Variants in KLHL14 observed in about 807,000 individuals in gnomAD.
The protein encoded by KLHL14 is kelch-like protein 14.
A neutral mutation model predicts 64.3 loss-of-function variants in KLHL14; 22 were observed. The observed-to-expected ratio is 0.34, with a 90% CI of 0.24 to 0.49. The LOEUF is 0.49. Among genes scored for constraint, KLHL14 ranks in the 20% least tolerant of loss-of-function variants. KLHL14 has a pLI of 0.99. For synonymous variants in KLHL14, 322 were observed against 333.4 expected, an observed-to-expected ratio of 0.97 and a Z score of 0.37; for missense variants, 661 against 789.0, an observed-to-expected ratio of 0.84 and a Z score of 1.94.
At chr18:32,713,397 C>T (rs2050030080) in intron 3 of KLHL14, among the ~76,000 whole-genome samples, 1 of 152,160 alleles carries the variant, frequency 6.6e-6, no homozygotes, top group Non-Finnish European at 1.5e-5. Flanking sequence ...GCCTTGGGCT[C>T]ATCCTGACTC....
At position 32,687,108 on chromosome 18, in the gene KLHL14, CT is replaced by C. The variant is rs752795982; in HGVS notation, c.1238+46del. 6 of 1,488,966 alleles carry C rather than the reference CT, an allele frequency of 4.0e-6. No individual in the cohort carries two copies. The African/African-American group carries it at 8.3e-5, about 21-fold the overall frequency. The allele number at this position is 1,488,966 out of a possible 1,614,324, so 92.2% of individuals were successfully genotyped here. A position where few individuals can be genotyped will look rare whatever the true frequency, so the allele number is the denominator to read the frequency against. ...AAAAACCACCTAGCACCCATGCCTC[CT>C]GTAAAGCCGTCACAAACGTTTCAGG... On this transcript the variant is annotated intron_variant, in intron 5 of 8. Transcript: ENST00000359358.
At chr18:32,711,587 A>C (rs9963102) in intron 3 of KLHL14, among the ~76,000 whole-genome samples, 1 of 151,998 alleles carries the variant, frequency 6.6e-6, no homozygotes, top group African/African-American at 2.4e-5. Flanking sequence ...ACAAGTTTGA[A>C]TCACAATTTA....
chr18:32,687,207 G>T lies in KLHL14; in HGVS notation c.1186C>A (p.Arg396=). 6.2e-7 allele frequency: 1 copy of T among 1,613,714 alleles called. No individual in the cohort carries two copies. The highest frequency in any genetic ancestry group is 8.5e-7 in the Non-Finnish European group (1 of 1,179,724). ...CAGCTATTAAATCGAGGATCATATC[G>T]GCTGACAAAATTTGTACTGTGTTTT... The part of the protein sequence containing the change: ...NGKHSTNFVS[R]YDPRFNSWIQ... The change falls in exon 5 of 9, where the codon CGA becomes AGA. Residue 396 remains arginine (R), a synonymous_variant. Coordinates refer to ENST00000359358, the MANE Select transcript of KLHL14 (RefSeq NM_020805.3).
Position 32,770,076 on chromosome 18 carries a change from G to A in KLHL14, c.516C>T (p.Leu172=), listed in dbSNP as rs373913345. The A allele has an allele frequency of 2.6e-5, 42 of 1,614,044 alleles. No individual in the cohort carries two copies. The highest frequency in any genetic ancestry group is 3.5e-5 in the Non-Finnish European group (41 of 1,180,028). Residue 172 remains leucine, a synonymous_variant, in exon 2 of 9, where the codon CTC becomes CTT. Coordinates refer to ENST00000359358, the MANE Select transcript of KLHL14 (RefSeq NM_020805.3). This position sits in a 1 kb window ranked among gnomAD's most constrained non-coding sequence, Gnocchi z 6.7. Reference sequence around the variant, plus strand: ...TCTGGTCGTTGAGGAACTGCACGCAGAGCTTGGTGACCTGGGGGATGTGCA... The same window carrying A: ...TCTGGTCGTTGAGGAACTGCACGCAAAGCTTGGTGACCTGGGGGATGTGCA... The part of the protein sequence containing the change: ...KILHIPQVTK[L]CVQFLNDQIS...
chr18:32,763,457 A>C (rs988324812), intron 2 of KLHL14, among the ~76,000 whole-genome samples: 1 of 152,152 alleles, frequency 6.6e-6, no homozygotes, highest in Admixed American at 6.6e-5. Context: ...ATATACTCAT[A>C]ATGGCAGGGT....
intron 3 of KLHL14, among the ~76,000 whole-genome samples, chr18:32,728,082 A>G (rs905721082): frequency 6.6e-6 from 1 of 152,224 alleles, no homozygotes; most frequent in African/African-American, 2.4e-5. Flanking sequence ...AATAACAAAG[A>G]GGATGGTAGA....
At chr18:32,740,254 C>T (rs1196226073) in intron 3 of KLHL14, among the ~76,000 whole-genome samples, 2 of 152,296 alleles carry the variant, frequency 1.3e-5, no homozygotes, top group East Asian at 3.9e-4. Flanking sequence ...CTTGAAAATG[C>T]CCCAGTGTGG....
chr18:32,771,193 G>A (rs1355466227), intron 1 of KLHL14: 1 of 175,946 alleles, frequency 5.7e-6, no homozygotes. Flanking sequence ...CAGCGTGCGG[G>A]GTGTGCGAAT....
chr18:32,723,258 C>A (rs1270410369), intron 3 of KLHL14, among the ~76,000 whole-genome samples: 1 of 152,134 alleles, frequency 6.6e-6, no homozygotes, highest in Non-Finnish European at 1.5e-5. Context: ...TGATTTTGAT[C>A]TCTAATAAAA....
chr18:32,751,646 G>A (rs2050252595), intron 2 of KLHL14, among the ~76,000 whole-genome samples: 1 of 152,038 alleles, frequency 6.6e-6, no homozygotes, highest in South Asian at 2.1e-4. Context: ...ACTGAAGAAC[G>A]GTCAGTCACG....
intron 3 of KLHL14, among the ~76,000 whole-genome samples, chr18:32,728,603 A>G (rs1000416502): frequency 6.6e-6 from 1 of 152,204 alleles, no homozygotes; most frequent in Non-Finnish European, 1.5e-5. Flanking sequence ...TAAAATCATT[A>G]AGATGAGGTC....
At chr18:32,744,071 A>G (rs1198323646) in intron 2 of KLHL14, 1 of 152,218 alleles carries the variant, frequency 6.6e-6, no homozygotes, top group African/African-American at 2.4e-5. Flanking sequence ...GGGGTAGATC[A>G]GTATCAACAG....
At chr18:32,686,538 T>C (rs1467067675) in intron 5 of KLHL14, among the ~76,000 whole-genome samples, 1 of 152,046 alleles carries the variant, frequency 6.6e-6, no homozygotes, top group Non-Finnish European at 1.5e-5. Context: ...CTACTCTGTA[T>C]GCAAAAAAAT....
intron 3 of KLHL14, chr18:32,738,382 G>A (rs1197186206): frequency 6.6e-6 from 1 of 152,060 alleles, no homozygotes; most frequent in African/African-American, 2.4e-5. Flanking sequence ...AAGATGAAAC[G>A]GGAGACTGCG....
At chr18:32,733,688 A>T (rs1446408034) in intron 3 of KLHL14, 1 of 159,970 alleles carries the variant, frequency 6.3e-6, no homozygotes, top group East Asian at 1.7e-4. Context: ...GTCACTTCAG[A>T]CATGGCCAAT....
At chr18:32,690,802 A>G (rs1025395571) in intron 4 of KLHL14, among the ~76,000 whole-genome samples, 2 of 152,140 alleles carry the variant, frequency 1.3e-5, no homozygotes, top group Non-Finnish European at 2.9e-5. Flanking sequence ...TCAGAGGAGA[A>G]TTTAAGGATT....
At chr18:32,765,339 G>C (rs1035946477) in intron 2 of KLHL14, among the ~76,000 whole-genome samples, 4 of 152,122 alleles carry the variant, frequency 2.6e-5, no homozygotes, top group African/African-American at 9.7e-5. Flanking sequence ...AAAAATACAA[G>C]CATGAATTAA....
intron 2 of KLHL14, among the ~76,000 whole-genome samples, chr18:32,768,001 A>G (rs2050355546): frequency 6.6e-6 from 1 of 152,244 alleles, no homozygotes; most frequent in Non-Finnish European, 1.5e-5. Context: ...AGTGACAAAA[A>G]TTTAAATCAC....
At chr18:32,690,229 C>T (rs8084977) in intron 4 of KLHL14, among the ~76,000 whole-genome samples, 1 of 152,134 alleles carries the variant, frequency 6.6e-6, no homozygotes, top group Admixed American at 6.5e-5. Flanking sequence ...ACCGGCAAAA[C>T]AGTGGATTAC....
Sources: gnomAD v4.1 joint callset for allele counts (sites outside exome capture counted in the v4.1 genomes callset) on GRCh38, gnomAD v4.1.1 for gene constraint, Gnocchi (gnomAD v3.1) non-coding constraint, MANE v1.5 for transcripts, NCBI Gene and HGNC (gene_info 2026-07-23, HGNC 2026-07-21) for gene names.